Variants in CBLB observed in about 807,000 individuals in gnomAD.
CBLB encodes Cbl proto-oncogene B.
In CBLB, 31 loss-of-function variants were observed where a neutral mutation model predicts 104.9. That is an observed-to-expected ratio of 0.30 (90% CI 0.22 to 0.40). The LOEUF (loss-of-function observed/expected upper bound fraction) is 0.40, where lower values mean the gene tolerates loss of function less well. Ranked by LOEUF, CBLB falls within the 10% of genes least tolerant of loss-of-function variation. CBLB has a pLI of 1.00. For missense variants in CBLB, 1,062 were observed against 1,214.6 expected (o/e 0.87, Z 1.87); for synonymous variants, 440 against 422.6 (o/e 1.04, Z -0.51).
At chr3:105,788,980 T>G (rs1420863713) in intron 3 of CBLB, among the ~76,000 whole-genome samples, 1 of 152,144 alleles carries the variant, frequency 6.6e-6, no homozygotes, top group Admixed American at 6.5e-5. Context: ...ATGCTAGGCA[T>G]GACAGTAAAG....
intron 3 of CBLB, among the ~76,000 whole-genome samples, chr3:105,780,653 G>GTTTTTTTTTTTTTTTTTTTTT (rs1245925965): frequency 5.9e-5 from 5 of 84,686 alleles, no homozygotes; most frequent in South Asian, 4.2e-4. Flanking sequence ...TAAAAGTTTT[G>GTTTTTTTTTTTTTTTTTTTTT]TTTTTTGTTT....
intron 14 of CBLB, among the ~76,000 whole-genome samples, chr3:105,684,992 A>C (rs1462965592): frequency 1.3e-5 from 2 of 152,248 alleles, no homozygotes; most frequent in Admixed American, 1.3e-4. Flanking sequence ...ATCAAGAAGG[A>C]AAATGAATTT....
intron 3 of CBLB, among the ~76,000 whole-genome samples, chr3:105,797,934 C>T (rs1309297589): frequency 6.6e-6 from 1 of 152,202 alleles, no homozygotes; most frequent in Non-Finnish European, 1.5e-5. Context: ...AAGGCAGTTT[C>T]CCCTGGTTTT....
At chr3:105,802,230 A>G (rs1025938758) in intron 3 of CBLB, among the ~76,000 whole-genome samples, 3 of 152,216 alleles carry the variant, frequency 2.0e-5, no homozygotes, top group Non-Finnish European at 2.9e-5. Flanking sequence ...GCTTTCATGC[A>G]TAAGATTTGC....
In CBLB at chr3:105,681,550, C is replaced by T. The variant is rs776677008; in HGVS notation, c.2357G>A (p.Arg786Gln). 11 of 1,613,772 alleles carry T rather than the reference C, an allele frequency of 6.8e-6. No individual in the cohort carries two copies. Among genetic ancestry groups the T allele is most frequent in the East Asian group, 2.2e-5 (1 of 44,880 alleles). Reference protein sequence around the residue: ...VPLPPARPPTRDNPKHGSSLN... With the variant: ...VPLPPARPPTQDNPKHGSSLN... ...TGAAGAACCATGCTTTGGATTGTCCCGAGTTGGAGGCCTGGCAGGTGGTAA... is the reference window on the plus strand; with the variant it reads ...TGAAGAACCATGCTTTGGATTGTCCTGAGTTGGAGGCCTGGCAGGTGGTAA... Residue 786 changes from arginine to glutamine, a missense_variant, in exon 16 of 19, where the codon CGG becomes CAG. This residue lies in a region of CBLB where 605 missense variants were observed against 582.6 expected (regional missense o/e 1.04). Coordinates refer to ENST00000394030, the MANE Select transcript of CBLB (RefSeq NM_170662.5).
chr3:105,708,970 A>T (rs2070656127), intron 10 of CBLB, among the ~76,000 whole-genome samples: 1 of 151,950 alleles, frequency 6.6e-6, no homozygotes, highest in Non-Finnish European at 1.5e-5. Context: ...CACTGCCAAA[A>T]GGTAATCCCA....
In CBLB at chr3:105,782,241, C is replaced by T. The variant is rs3811706; in HGVS notation, c.420-5699G>A. Among the ~76,000 whole-genome samples, 26 of 152,264 alleles carry T rather than the reference C, an allele frequency of 1.7e-4. No individual in the cohort carries two copies. The East Asian group carries it at 4.8e-3, about 28-fold the overall frequency. The stretch of plus-strand genomic sequence containing the variant: ...GTGTCTAAGGAGAGTACACAACAGA[C>T]ATTAAAAGTTCAAATACCAATAAAG... On this transcript the variant is annotated intron_variant, in intron 3 of 18. Coordinates refer to ENST00000394030, the MANE Select transcript of CBLB (RefSeq NM_170662.5).
intron 3 of CBLB, among the ~76,000 whole-genome samples, chr3:105,838,247 C>CTTT (rs1414038863): frequency 1.0e-5 from 1 of 98,000 alleles, no homozygotes; most frequent in Non-Finnish European, 1.9e-5. Flanking sequence ...ACACACCTGG[C>CTTT]TATTTTTTTT....
intron 9 of CBLB, among the ~76,000 whole-genome samples, chr3:105,724,682 A>G (rs1161279133): frequency 6.6e-6 from 1 of 152,200 alleles, no homozygotes; most frequent in African/African-American, 2.4e-5. Context: ...TTTGTAATGT[A>G]ATGAATACAA....
chr3:105,729,675 A>G (rs1297414092), intron 9 of CBLB, among the ~76,000 whole-genome samples: 1 of 152,098 alleles, frequency 6.6e-6, no homozygotes, highest in African/African-American at 2.4e-5. Flanking sequence ...GAAGTGTGCT[A>G]TAATTTTGTT....
intron 13 of CBLB, among the ~76,000 whole-genome samples, chr3:105,688,683 T>C (rs900348586): frequency 3.9e-5 from 6 of 151,996 alleles, no homozygotes; most frequent in African/African-American, 9.7e-5. Context: ...CTCAAATAAA[T>C]AGTCCAGAGA....
chr3:105,773,127 G>A (rs1000970052), intron 4 of CBLB, among the ~76,000 whole-genome samples: 1 of 152,150 alleles, frequency 6.6e-6, no homozygotes, highest in Non-Finnish European at 1.5e-5. Flanking sequence ...CAATGATATG[G>A]AACCAACCTA....
chr3:105,722,954 A>T (rs1219523782), intron 9 of CBLB, among the ~76,000 whole-genome samples: 1 of 152,188 alleles, frequency 6.6e-6, no homozygotes, highest in Non-Finnish European at 1.5e-5. Context: ...CACAAAATAC[A>T]TCTTCTCTTC....
intron 3 of CBLB, among the ~76,000 whole-genome samples, chr3:105,788,034 CTTAT>C (rs1022488845): frequency 1.3e-5 from 2 of 152,036 alleles, no homozygotes; most frequent in African/African-American, 4.8e-5. Flanking sequence ...AAGAAGCTGA[CTTAT>C]TTATTTGCTC....
At chr3:105,671,451 T>C (rs2065050922) in intron 17 of CBLB, 1 of 215,770 alleles carries the variant, frequency 4.6e-6, no homozygotes, top group South Asian at 1.9e-4. Flanking sequence ...TTGCACTTAA[T>C]ATTTACTTTT....
chr3:105,853,328 A>G, intron 3 of CBLB, 86 bp downstream of exon 3: 1 of 1,392,024 alleles, frequency 7.2e-7, no homozygotes, highest in Non-Finnish European at 1.0e-6. Flanking sequence ...CCCCAAAACA[A>G]TTACATGGTG....
rs768116734 is a variant in CBLB, at chr3:105,681,681, C to T, written c.2296+43G>A. The T allele has an allele frequency of 8.7e-6, 14 of 1,601,660 alleles. No homozygotes were observed. In the South Asian group the frequency reaches 1.5e-4, roughly 18 times the overall value. ...TGAAATTTTGCCTTTAAATTCTGACCATTAAGATGTACATCACAAAGGAAA... is the reference window on the plus strand; with the variant it reads ...TGAAATTTTGCCTTTAAATTCTGACTATTAAGATGTACATCACAAAGGAAA... On this transcript the variant is annotated intron_variant, in intron 15 of 18. Transcript: ENST00000394030.
Position 105,828,180 on chromosome 3 carries a change from T to C in CBLB, c.419+25234A>G, listed in dbSNP as rs576768077. On this transcript the variant is annotated intron_variant, in intron 3 of 18. Coordinates refer to ENST00000394030, the MANE Select transcript of CBLB (RefSeq NM_170662.5). The stretch of plus-strand genomic sequence containing the variant: ...CAGGAAAAAGGGGAATGAGCGGGCA[T>C]GTGGCTTCCCTTTAAGGGCATGATC... 3.0e-4 allele frequency among the ~76,000 whole-genome samples: 46 copies of C among 152,088 alleles called. 2 individuals are homozygous for C. The South Asian group carries it at 9.5e-3, about 32-fold the overall frequency.
chr3:105,781,864 A>G (rs2080297395), intron 3 of CBLB, among the ~76,000 whole-genome samples: 8 of 152,248 alleles, frequency 5.3e-5, no homozygotes, highest in Admixed American at 5.2e-4. Context: ...TAAAAGCTAG[A>G]ACATGCTCTT....
Sources: allele counts gnomAD v4.1 joint callset (sites outside exome capture counted in the v4.1 genomes callset), GRCh38; gene constraint gnomAD v4.1.1; regional missense constraint gnomAD v4.1.1; transcripts MANE v1.5; gene names NCBI Gene and HGNC (gene_info 2026-07-23, HGNC 2026-07-21).